The following RERE variants were observed in gnomAD, a reference collection of about 807,000 sequenced individuals.
The protein encoded by RERE is arginine-glutamic acid dipeptide repeats, also known as arginine-glutamic acid dipeptide repeats protein.
RERE carries 40 observed loss-of-function variants against 146.1 expected under a neutral mutation model. The ratio of observed to expected loss-of-function variants is 0.27; its 90% CI spans 0.21 to 0.36. The LOEUF (loss-of-function observed/expected upper bound fraction) is 0.36, where lower values mean the gene tolerates loss of function less well. Among genes scored for constraint, RERE ranks in the 10% least tolerant of loss-of-function variants. The pLI is 1.00. For missense variants in RERE, 1,933 were observed against 2,138.7 expected (o/e 0.90, Z 1.90); for synonymous variants, 1,003 against 866.0 (o/e 1.16, Z -2.78).
chr1:8,667,496 C>T (rs1045679834), intron 1 of RERE, among the ~76,000 whole-genome samples: 11 of 152,014 alleles, frequency 7.2e-5, no homozygotes, highest in South Asian at 2.1e-4. Context: ...GCCCACATGG[C>T]GAAATCCCAT....
chr1:8,630,844 C>T (rs17032714), intron 2 of RERE, among the ~76,000 whole-genome samples: 3,939 of 152,322 alleles, frequency 0.026, 156 homozygotes, highest in African/African-American at 0.089. Flanking sequence ...TGTTTATCAA[C>T]TGTTATCAAA....
chr1:8,701,149 T>A (rs184456291), intron 1 of RERE, among the ~76,000 whole-genome samples: 1 of 152,284 alleles, frequency 6.6e-6, no homozygotes, highest in Admixed American at 6.5e-5. Context: ...AAAGCTAGTC[T>A]GCATCACACA....
intron 4 of RERE, among the ~76,000 whole-genome samples, chr1:8,606,610 G>C (rs1646712655): frequency 6.6e-6 from 1 of 152,104 alleles, no homozygotes; most frequent in South Asian, 2.1e-4. Flanking sequence ...GGGATGAGGA[G>C]GGAAAAGCCA....
At chr1:8,580,743 CT>C (rs1005129365) in intron 4 of RERE, among the ~76,000 whole-genome samples, 28 of 152,172 alleles carry the variant, frequency 1.8e-4, no homozygotes, top group Non-Finnish European at 3.2e-4. Context: ...CAGGGTCTCA[CT>C]GTGTCGCTCA....
At chr1:8,660,695 GCAGA>G (rs1258203948) in intron 1 of RERE, among the ~76,000 whole-genome samples, 3 of 152,164 alleles carry the variant, frequency 2.0e-5, no homozygotes, top group African/African-American at 7.2e-5. Flanking sequence ...GATGATTCAC[GCAGA>G]CAGATTTAAG....
intron 7 of RERE, among the ~76,000 whole-genome samples, chr1:8,539,763 C>T (rs570703925): frequency 6.6e-6 from 1 of 152,046 alleles, no homozygotes; most frequent in African/African-American, 2.4e-5. Flanking sequence ...TATTACTATC[C>T]ATACATCAAG....
At chr1:8,815,843 ATG>A (rs780581651) in intron 1 of RERE, among the ~76,000 whole-genome samples, 55 of 143,632 alleles carry the variant, frequency 3.8e-4, no homozygotes, top group East Asian at 3.7e-3. Flanking sequence ...GTGTGTGTGT[ATG>A]TGTGTGTGTG....
chr1:8,521,863 T>G (rs1177106032), intron 7 of RERE, among the ~76,000 whole-genome samples: 1 of 152,138 alleles, frequency 6.6e-6, no homozygotes, highest in Non-Finnish European at 1.5e-5. Context: ...CTACTAGAAA[T>G]GGAGACCGTA....
chr1:8,533,593 A>G lies in RERE; in HGVS notation c.830+7621T>C, dbSNP rs144379263. 4.1e-4 allele frequency among the ~76,000 whole-genome samples: 63 copies of G among 152,304 alleles called. 1 individual carries two copies. Among genetic ancestry groups the G allele is most frequent in the African/African-American group, 1.4e-3 (57 of 41,580 alleles). The stretch of plus-strand genomic sequence containing the variant: ...ACTTTTTATATTGCCTTCTTATCCT[A>G]GAGTTCTCATATTCTGAAGGGCCCA... On this transcript the variant is annotated intron_variant, in intron 7 of 22. Transcript: ENST00000400908.
chr1:8,796,812 G>A (rs994007621), intron 1 of RERE: 3 of 152,064 alleles, frequency 2.0e-5, no homozygotes, highest in Admixed American at 1.3e-4. Context: ...TTACTATGAA[G>A]AACAGGAAAC....
At chr1:8,724,246 T>C (rs1639915276) in intron 1 of RERE, among the ~76,000 whole-genome samples, 1 of 151,858 alleles carries the variant, frequency 6.6e-6, no homozygotes, top group Non-Finnish European at 1.5e-5. Flanking sequence ...TCTATATGTA[T>C]CCTTCTTTGG....
chr1:8,486,019 C>T (rs1169970906), intron 10 of RERE, among the ~76,000 whole-genome samples: 2 of 152,032 alleles, frequency 1.3e-5, no homozygotes, highest in African/African-American at 4.8e-5. Flanking sequence ...AGGATGTTCT[C>T]GATCTCTTGA....
At chr1:8,601,220 G>C (rs1570492389) in intron 4 of RERE, among the ~76,000 whole-genome samples, 1 of 151,922 alleles carries the variant, frequency 6.6e-6, no homozygotes, top group East Asian at 1.9e-4. Flanking sequence ...GTTTCACCAT[G>C]TGGGCCAGGC....
chr1:8,733,505 C>A (rs2124491231), intron 1 of RERE, among the ~76,000 whole-genome samples: 1 of 152,340 alleles, frequency 6.6e-6, no homozygotes, highest in Admixed American at 6.5e-5. Context: ...TATATGAATC[C>A]TTTCTTCTGG....
rs943926311 is a variant in RERE at position 8,423,973 on chromosome 1, G to A, written c.1204-1166C>T. 6.6e-6 allele frequency: 1 copy of A among 151,262 alleles called. No homozygotes were observed. Among genetic ancestry groups the A allele is most frequent in the Admixed American group, 6.6e-5 (1 of 15,204 alleles). The allele number at this position is 151,262 out of a possible 1,614,324, so 9.4% of individuals were successfully genotyped here. On this transcript the variant is annotated intron_variant, in intron 11 of 22. Coordinates refer to ENST00000400908, the MANE Select transcript of RERE (RefSeq NM_001042681.2). This position sits in a 1 kb window ranked among gnomAD's most constrained non-coding sequence, Gnocchi z 5.4. The stretch of plus-strand genomic sequence containing the variant: ...GGAATCTGTGTCCTCCTTCCGGACA[G>A]GAGAACATCAAGGCGGTAAAGCACA...
intron 4 of RERE, among the ~76,000 whole-genome samples, chr1:8,573,725 TCTTA>T (rs1331723677): frequency 1.3e-5 from 2 of 152,248 alleles, no homozygotes; most frequent in African/African-American, 2.4e-5. Flanking sequence ...GTTCACAGTG[TCTTA>T]CTAAGTAATT....
At chr1:8,640,971 A>C (rs776669481) in intron 2 of RERE, among the ~76,000 whole-genome samples, 10 of 152,252 alleles carry the variant, frequency 6.6e-5, no homozygotes, top group Non-Finnish European at 1.3e-4. Flanking sequence ...ACTTTTTAAA[A>C]CAACAAATCA....
intron 4 of RERE, among the ~76,000 whole-genome samples, chr1:8,589,212 G>C (rs930025528): frequency 1.3e-5 from 2 of 151,758 alleles, no homozygotes; most frequent in African/African-American, 4.8e-5. Context: ...GGCTGAGGTG[G>C]GCAGATCACC....
Position 8,696,802 on chromosome 1 carries a change from C to G in RERE, c.-144-40361G>C, listed in dbSNP as rs552071380. Among the ~76,000 whole-genome samples the G allele has an allele frequency of 2.6e-5, 4 of 152,064 alleles. No individual in the cohort carries two copies. In the South Asian group the frequency reaches 8.3e-4, roughly 32 times the overall value. ...GCAGGCGCCTGTAGTCCCAGCTACT[C>G]AGGAGGCTGAGGCAGGAGTATAGCT... is the stretch of plus-strand genomic sequence containing the variant. On this transcript the variant is annotated intron_variant, in intron 1 of 22. Coordinates refer to ENST00000400908, the MANE Select transcript of RERE (RefSeq NM_001042681.2).
Sources: allele counts gnomAD v4.1 joint callset (sites outside exome capture counted in the v4.1 genomes callset), GRCh38; gene constraint gnomAD v4.1.1; non-coding constraint Gnocchi (gnomAD v3.1); transcripts MANE v1.5; gene names NCBI Gene and HGNC (gene_info 2026-07-23, HGNC 2026-07-21).